Variants in RBBP8 observed in about 807,000 individuals in gnomAD.
RBBP8 encodes the protein DNA endonuclease RBBP8.
RBBP8 carries 88 observed loss-of-function variants against 108.3 expected under a neutral mutation model. The ratio of observed to expected loss-of-function variants is 0.81; its 90% confidence interval spans 0.68 to 0.97. RBBP8 has a LOEUF of 0.97. RBBP8 is among the 50% of genes least tolerant of loss of function. RBBP8 has a pLI of 0.00. For missense variants in RBBP8, 1,023 were observed against 1,049.0 expected (o/e 0.98, Z 0.34); for synonymous variants, 332 against 348.2 (o/e 0.95, Z 0.52).
At chr18:22,982,673 G>A (rs1330009907) in intron 7 of RBBP8, among the ~76,000 whole-genome samples, 1 of 152,038 alleles carries the variant, frequency 6.6e-6, no homozygotes, top group East Asian at 1.9e-4. Flanking sequence ...ATTCCTATGT[G>A]TATATATCCA....
chr18:22,976,227 T>C (rs566203780), intron 6 of RBBP8, among the ~76,000 whole-genome samples: 1 of 152,288 alleles, frequency 6.6e-6, no homozygotes, highest in East Asian at 1.9e-4. Flanking sequence ...CCCATGTGAT[T>C]GGTCTACTGA....
At chr18:22,987,763 C>G (rs7407951) in intron 8 of RBBP8, among the ~76,000 whole-genome samples, 3 of 152,198 alleles carry the variant, frequency 2.0e-5, no homozygotes, top group Admixed American at 6.5e-5. Context: ...TTCACTTTCT[C>G]TCTCTTCCTG....
At chr18:23,001,447 A>G (rs1176280761) in intron 14 of RBBP8, 139 bp from the exon 15 acceptor site, 3 of 956,164 alleles carry the variant, frequency 3.1e-6, no homozygotes, top group African/African-American at 3.3e-5. Flanking sequence ...TATATAATCC[A>G]TATTTTAACA....
upstream of RBBP8, among the ~76,000 whole-genome samples, chr18:22,930,919 G>A (rs186422709): frequency 2.6e-5 from 4 of 152,124 alleles, no homozygotes; most frequent in Non-Finnish European, 4.4e-5. Flanking sequence ...CTAGAGGCAC[G>A]AACCACTGTG....
intron 4 of RBBP8, among the ~76,000 whole-genome samples, chr18:22,960,584 G>C (rs1004459187): frequency 9.2e-5 from 14 of 152,080 alleles, no homozygotes; most frequent in African/African-American, 3.1e-4. Context: ...TTATATTACA[G>C]TCTCCCTTTA....
chr18:22,917,718 G>T (rs1909415614), intron 3 of RBBP8, among the ~76,000 whole-genome samples: 1 of 151,946 alleles, frequency 6.6e-6, no homozygotes, highest in Admixed American at 6.6e-5. Context: ...TATAATGTTG[G>T]GGCCGGGCGC....
Position 22,992,960 on chromosome 18 carries a change from A to T in RBBP8, c.1133A>T (p.Lys378Ile). The T allele has an allele frequency of 6.2e-7, 1 of 1,613,692 alleles. No individual in the cohort carries two copies. The highest frequency in any genetic ancestry group is 8.5e-7 in the Non-Finnish European group (1 of 1,179,604). Reference sequence around the variant, plus strand: ...TCTAGATTAGAAAAAACTAGATCAAAATCTGAAGATAGTGCCCTTTTCACA... The same window carrying T: ...TCTAGATTAGAAAAAACTAGATCAATATCTGAAGATAGTGCCCTTTTCACA... ...CISRLEKTRSKSEDSALFTHH... is the reference protein window; with the variant it reads ...CISRLEKTRSISEDSALFTHH... Residue 378 changes from lysine to isoleucine, a missense_variant, in exon 11 of 19, where the codon AAA (lysine) becomes ATA (isoleucine). Lys to Ile is a moderately radical substitution (Grantham distance 102). Transcript: ENST00000327155.
intron 3 of RBBP8, among the ~76,000 whole-genome samples, chr18:22,947,209 T>A (rs1022043026): frequency 4.6e-5 from 7 of 152,100 alleles, no homozygotes; most frequent in Non-Finnish European, 7.4e-5. Context: ...TTAAGAAATT[T>A]AAAGAATTGT....
intron 3 of RBBP8, among the ~76,000 whole-genome samples, chr18:22,919,200 A>C (rs918171152): frequency 2.6e-5 from 4 of 152,214 alleles, no homozygotes; most frequent in Non-Finnish European, 5.9e-5. Context: ...TATTGGTCAG[A>C]GGGAGTTCAG....
At chr18:22,923,506 T>C (rs768763954) in intron 3 of RBBP8, among the ~76,000 whole-genome samples, 7 of 152,218 alleles carry the variant, frequency 4.6e-5, no homozygotes, top group Non-Finnish European at 8.8e-5. Flanking sequence ...ATTTCAAATA[T>C]ATTATTTCAT....
intron 3 of RBBP8, 31 bp downstream of exon 3, chr18:22,946,517 A>G: frequency 6.2e-7 from 1 of 1,610,540 alleles, no homozygotes. Flanking sequence ...CTCATGTGTT[A>G]TTTATAGAGT....
chr18:23,018,426 T>A (rs2046297751), intron 17 of RBBP8, among the ~76,000 whole-genome samples: 1 of 152,236 alleles, frequency 6.6e-6, no homozygotes, highest in Non-Finnish European at 1.5e-5. Flanking sequence ...ATACATTGGC[T>A]GTCTTGGATG....
intron 3 of RBBP8, among the ~76,000 whole-genome samples, chr18:22,922,228 G>A (rs1312062430): frequency 6.6e-6 from 1 of 151,992 alleles, no homozygotes; most frequent in Non-Finnish European, 1.5e-5. Context: ...AGAAATAGGT[G>A]CAAAGAAAAA....
chr18:22,924,756 A>G (rs898152885), intron 3 of RBBP8, among the ~76,000 whole-genome samples: 5 of 152,184 alleles, frequency 3.3e-5, no homozygotes, highest in Admixed American at 6.5e-5. Flanking sequence ...CCAAACCAGG[A>G]TGTTTTTTAA....
intron 4 of RBBP8, among the ~76,000 whole-genome samples, chr18:22,965,368 G>A (rs1020205291): frequency 6.6e-6 from 1 of 152,088 alleles, no homozygotes; most frequent in Non-Finnish European, 1.5e-5. Context: ...CTGTTAGAAT[G>A]ATCTGGCTGG....
chr18:22,983,951 C>T (rs1915136471), intron 7 of RBBP8, among the ~76,000 whole-genome samples: 1 of 152,124 alleles, frequency 6.6e-6, no homozygotes, highest in Non-Finnish European at 1.5e-5. Flanking sequence ...CGTGGTGGCA[C>T]ACGCGTGCAG....
chr18:22,958,918 A>G (rs1441187828), intron 4 of RBBP8, among the ~76,000 whole-genome samples: 1 of 152,198 alleles, frequency 6.6e-6, no homozygotes, highest in African/African-American at 2.4e-5. Context: ...TTTCTAGACT[A>G]TTCTAGAAAG....
Position 23,009,258 on chromosome 18 carries a change from A to G in RBBP8, c.2357+2826A>G, listed in dbSNP as rs1332148447. ...TAATTTATTTTATTCCACAATACAC[A>G]TAAAGCAGTTTCAGAATAATACCAC... On this transcript the variant is annotated intron_variant, in intron 16 of 18. Transcript: ENST00000327155. 2.0e-5 allele frequency among the ~76,000 whole-genome samples: 3 copies of G among 152,192 alleles called. No homozygotes were observed. In the South Asian group the frequency reaches 6.2e-4, roughly 32 times the overall value.
intron 6 of RBBP8, among the ~76,000 whole-genome samples, chr18:22,978,353 G>A (rs182114291): frequency 1.3e-5 from 2 of 152,318 alleles, no homozygotes; most frequent in Admixed American, 6.5e-5. Context: ...AAGCTGTGAC[G>A]TGAACTCTTT....
Sources: allele counts gnomAD v4.1 joint callset (sites outside exome capture counted in the v4.1 genomes callset), GRCh38; gene constraint gnomAD v4.1.1; transcripts MANE v1.5; gene names NCBI Gene and HGNC (gene_info 2026-07-23, HGNC 2026-07-21).